Variants in SLC4A5 observed in about 807,000 individuals in gnomAD.
SLC4A5 encodes the protein solute carrier family 4 member 5, also known as electrogenic sodium bicarbonate cotransporter 4.
Under a neutral mutation model 120.4 loss-of-function variants are expected in SLC4A5, and 96 were observed. That is an observed-to-expected ratio of 0.80 (90% confidence interval 0.68 to 0.94). The LOEUF is 0.94. Among genes scored for constraint, SLC4A5 ranks in the 40% least tolerant of loss-of-function variants. The pLI is 0.00. For missense variants in SLC4A5, 1,259 were observed against 1,459.5 expected (o/e 0.86, Z 2.24); for synonymous variants, 550 against 571.1 (o/e 0.96, Z 0.53).
In SLC4A5 at chr2:74,290,619, A is replaced by G. The variant is rs1312688518; in HGVS notation, c.272-4717T>C. Reference sequence around the variant, plus strand: ...GAGAGAGACAGAGAGAGAGACAGAGAAGTGAGAGAGAGAGAGAGAGAGAGA... The same window carrying G: ...GAGAGAGACAGAGAGAGAGACAGAGGAGTGAGAGAGAGAGAGAGAGAGAGA... On this transcript the variant is annotated intron_variant, in intron 7 of 30. Coordinates refer to ENST00000394019, the Ensembl canonical transcript of SLC4A5. 7 of 910,772 alleles carry G rather than the reference A, an allele frequency of 7.7e-6. No individual in the cohort carries two copies. The African/African-American group carries it at 2.1e-4, about 28-fold the overall frequency. The allele number at this position is 910,772 out of a possible 1,614,324, so 56.4% of individuals were successfully genotyped here.
chr2:74,228,285 T>A (rs1358260024), intron 25 of SLC4A5, among the ~76,000 whole-genome samples: 4 of 152,192 alleles, frequency 2.6e-5, no homozygotes, highest in African/African-American at 9.7e-5. Flanking sequence ...ATGGGGACTT[T>A]TAATGAGCTG....
At chr2:74,258,285 A>G (rs528326802) in intron 12 of SLC4A5, among the ~76,000 whole-genome samples, 5 of 152,362 alleles carry the variant, frequency 3.3e-5, no homozygotes, top group African/African-American at 1.2e-4. Flanking sequence ...AGCAGAGACC[A>G]CTGATGCTGC....
chr2:74,229,103 G>GTTTTTTTTT (rs1573004987), intron 25 of SLC4A5, among the ~76,000 whole-genome samples: 2 of 2,586 alleles, frequency 7.7e-4, no homozygotes, highest in South Asian at 0.014. Context: ...TTAGATTTGA[G>GTTTTTTTTT]CTTTTTTTTT....
chr2:74,273,568 C>T (rs1350124936), intron 8 of SLC4A5, among the ~76,000 whole-genome samples: 4 of 152,202 alleles, frequency 2.6e-5, no homozygotes, highest in Admixed American at 2.0e-4. Context: ...AGTTACAAAG[C>T]ATCAAGACAT....
chr2:74,273,739 C>T (rs971801621), intron 8 of SLC4A5, among the ~76,000 whole-genome samples: 2 of 152,146 alleles, frequency 1.3e-5, no homozygotes, highest in East Asian at 1.9e-4. Flanking sequence ...TACTGAAGAC[C>T]AGTATTAATT....
At chr2:74,306,411 AAAAT>A (rs1435771651) in intron 6 of SLC4A5, among the ~76,000 whole-genome samples, 23 of 152,162 alleles carry the variant, frequency 1.5e-4, no homozygotes, top group African/African-American at 5.6e-4. Flanking sequence ...CTCTTACCCT[AAAAT>A]AAATAGTCTT....
Position 74,308,439 on chromosome 2 carries a change from C to A in SLC4A5, c.80-3759G>T, listed in dbSNP as rs190737824. Among the ~76,000 whole-genome samples, 480 of 152,224 alleles carry A rather than the reference C, an allele frequency of 3.2e-3. 4 individuals are homozygous for A. Among genetic ancestry groups the A allele is most frequent in the African/African-American group, 0.011 (455 of 41,530 alleles). ...GCCATTCTAATAGGTGTTAGTGGAT[C>A]TTATTGTTTTAATTTTAAATTCCCA... On this transcript the variant is annotated intron_variant, in intron 6 of 30. Transcript: ENST00000394019.
intron 7 of SLC4A5, among the ~76,000 whole-genome samples, chr2:74,303,484 C>A (rs1039867720): frequency 1.3e-5 from 2 of 152,166 alleles, no homozygotes; most frequent in Non-Finnish European, 2.9e-5. Flanking sequence ...TTGGGATATG[C>A]TGAGAGTGAA....
chr2:74,222,728 C>T, intron 29 of SLC4A5, 140 bp downstream of exon 29: 1 of 739,092 alleles, frequency 1.4e-6, no homozygotes, highest in Non-Finnish European at 2.4e-6. Flanking sequence ...CAAAACTTGT[C>T]CCTTATGACA....
intron 12 of SLC4A5, among the ~76,000 whole-genome samples, chr2:74,258,522 C>T (rs1304298281): frequency 6.6e-6 from 1 of 152,250 alleles, no homozygotes; most frequent in African/African-American, 2.4e-5. Flanking sequence ...TGGTTTTCCT[C>T]TCCAAATAAT....
At chr2:74,297,811 G>T (rs1475231291) in intron 7 of SLC4A5, among the ~76,000 whole-genome samples, 2 of 152,188 alleles carry the variant, frequency 1.3e-5, no homozygotes, top group East Asian at 3.8e-4. Context: ...GGGGGAAGGT[G>T]TGGTAAGGAG....
intron 6 of SLC4A5, among the ~76,000 whole-genome samples, chr2:74,309,142 C>T (rs1672734256): frequency 6.6e-6 from 1 of 151,808 alleles, no homozygotes; most frequent in Non-Finnish European, 1.5e-5. Context: ...TGGTCTTGAA[C>T]TCCTGGGCTC....
intron 3 of SLC4A5, among the ~76,000 whole-genome samples, chr2:74,334,468 C>T (rs1440734748): frequency 6.6e-6 from 1 of 152,216 alleles, no homozygotes; most frequent in Non-Finnish European, 1.5e-5. Context: ...TGGTCAAATG[C>T]CATCTACCCA....
In SLC4A5 at chr2:74,277,268, G is replaced by A. The variant is rs559291570; in HGVS notation, c.401+8505C>T. Among the ~76,000 whole-genome samples the A allele has an allele frequency of 2.6e-5, 4 of 152,276 alleles. No individual in the cohort carries two copies. The South Asian group carries it at 6.2e-4, about 24-fold the overall frequency. ...GACTCTCGTGTAAAGTACTGCTGCC[G>A]GCCAGGAGCAGTGGCTCACGCCTGT... On this transcript the variant is annotated intron_variant, in intron 8 of 30. Transcript: ENST00000394019.
intron 6 of SLC4A5, among the ~76,000 whole-genome samples, chr2:74,309,004 T>G (rs1181593897): frequency 6.6e-6 from 1 of 151,876 alleles, no homozygotes; most frequent in African/African-American, 2.4e-5. Context: ...AGCTTTGACC[T>G]CCTGTGCTCA....
chr2:74,340,748 G>A (rs1051634419), intron 2 of SLC4A5, among the ~76,000 whole-genome samples: 6 of 152,168 alleles, frequency 3.9e-5, no homozygotes, highest in South Asian at 2.1e-4. Flanking sequence ...CAACCCTGAC[G>A]GGGTTGAGGA....
intron 7 of SLC4A5, among the ~76,000 whole-genome samples, chr2:74,297,509 T>A (rs376853099): frequency 6.6e-6 from 1 of 152,224 alleles, no homozygotes; most frequent in Non-Finnish European, 1.5e-5. Flanking sequence ...CACACCCCAG[T>A]TGGGCTTGAC....
exon 17 of SLC4A5, chr2:74,250,494 T>C (rs1351891908): frequency 1.2e-6 from 2 of 1,614,106 alleles, no homozygotes; most frequent in Non-Finnish European, 1.7e-6. Flanking sequence ...CCTCTTGATA[T>C]CCAGACACAG....
At chr2:74,318,512 C>T (rs1173688883) in intron 5 of SLC4A5, among the ~76,000 whole-genome samples, 1 of 152,008 alleles carries the variant, frequency 6.6e-6, no homozygotes, top group Non-Finnish European at 1.5e-5. Context: ...ATGGTGAAAC[C>T]CCGTATCTAC....
Sources: allele counts gnomAD v4.1 joint callset (sites outside exome capture counted in the v4.1 genomes callset), GRCh38; gene constraint gnomAD v4.1.1; transcripts MANE v1.5; gene names NCBI Gene and HGNC (gene_info 2026-07-23, HGNC 2026-07-21).